SLFN12: variants seen among roughly 807,000 people sequenced by gnomAD.
SLFN12 encodes schlafen family member 12, also known as ribonuclease SLFN12.
Under a neutral mutation model 29.1 loss-of-function variants are expected in SLFN12, and 25 were observed. That is an observed-to-expected ratio of 0.86 (90% CI 0.63 to 1.20). The LOEUF is 1.20. SLFN12 is among the 50% of genes most tolerant of loss of function. SLFN12 has a pLI of 0.00. For synonymous variants in SLFN12, 257 were observed against 238.7 expected, an observed-to-expected ratio of 1.08 and a Z score of -0.71; for missense variants, 660 against 666.2, an observed-to-expected ratio of 0.99 and a Z score of 0.10.
chr17:35,413,789 A>G (rs1477494231), intron 3 of SLFN12, among the ~76,000 whole-genome samples: 1 of 151,888 alleles, frequency 6.6e-6, no homozygotes, highest in African/African-American at 2.4e-5. Flanking sequence ...ATTCATCATA[A>G]TAAGTGGGAT....
In SLFN12 at chr17:35,422,726, G is replaced by A; in HGVS notation, c.303C>T (p.Asn101=). Residue 101 remains asparagine, a synonymous_variant, in exon 2 of 4, where the codon AAC becomes AAT. Coordinates refer to ENST00000304905, the MANE Select transcript of SLFN12 (RefSeq NM_018042.5). ...ATGACTTCACAAAAATCAGAAAGTA[G>A]TTACCATTCTGCATGAAGTCTAAGT... ...PEYLDFMQNG[N]YFLIFVKSWS... 6.2e-7 allele frequency: 1 copy of A among 1,614,044 alleles called. No homozygotes were observed. The highest frequency in any genetic ancestry group is 8.5e-7 in the Non-Finnish European group (1 of 1,179,976).
chr17:35,421,307 G>A (rs1406929502), intron 2 of SLFN12, among the ~76,000 whole-genome samples: 1 of 151,452 alleles, frequency 6.6e-6, no homozygotes, highest in African/African-American at 2.4e-5. Flanking sequence ...AGAGGCAAAT[G>A]TTCCTGAAAG....
intron 3 of SLFN12, among the ~76,000 whole-genome samples, chr17:35,416,130 T>A (rs186372232): frequency 6.2e-4 from 94 of 152,148 alleles, no homozygotes; most frequent in African/African-American, 2.1e-3. Context: ...ATCAAGTGGA[T>A]AAAGAAAATG....
chr17:35,411,400 C>A lies in SLFN12; in HGVS notation c.1675G>T (p.Gly559Cys). 1.2e-6 allele frequency: 2 copies of A among 1,600,790 alleles called. No homozygotes were observed. The highest frequency in any genetic ancestry group is 1.7e-6 in the Non-Finnish European group (2 of 1,175,324). Reference protein sequence around the residue: ...SFAENLYQIIGIDCFQKNDKK... With the variant: ...SFAENLYQIICIDCFQKNDKK... ...TCATTCTTCTGAAAGCAATCTATAC[C>A]GATTATCTGGTATAGATTTTCTGCA... The change falls in exon 4 of 4, where the codon GGT becomes TGT. Residue 559 changes from glycine (G) to cysteine (C), a missense_variant. Transcript: ENST00000304905.
chr17:35,430,887 G>C (rs1379705325), intron 1 of SLFN12, among the ~76,000 whole-genome samples: 1 of 152,066 alleles, frequency 6.6e-6, no homozygotes, highest in Non-Finnish European at 1.5e-5. Flanking sequence ...TCTCTGTTCA[G>C]CCAATTCTAT....
chr17:35,425,122 T>C (rs1228726885), intron 1 of SLFN12, among the ~76,000 whole-genome samples: 1 of 151,908 alleles, frequency 6.6e-6, no homozygotes, highest in East Asian at 1.9e-4. Context: ...ACCACATCTC[T>C]ACAGAAAAGT....
upstream of SLFN12, chr17:35,433,123 C>G (rs1912411668): frequency 6.6e-6 from 1 of 152,170 alleles, no homozygotes; most frequent in South Asian, 2.1e-4. Context: ...CTTGGCGAGG[C>G]CCAGGCTACA....
intron 2 of SLFN12, among the ~76,000 whole-genome samples, chr17:35,421,209 AAAATAAATAAATAAAT>A (rs71152711): frequency 7.5e-4 from 105 of 140,300 alleles, no homozygotes; most frequent in East Asian, 1.7e-3. Context: ...ACTCCGTCTC[AAAATAAATAAATAAAT>A]AAATAAATAA....
In SLFN12 at chr17:35,411,815, G is replaced by T; in HGVS notation, c.1260C>A (p.Gly420=). Residue 420 remains glycine (G), a synonymous_variant, in exon 4 of 4, where the codon GGC becomes GGA. Transcript: ENST00000304905. ...ICEEMDSVRK[G]SLIFSRSWSV... Reference sequence around the variant, plus strand: ...ACCAGCTCCTAGAGAAGATCAGTGAGCCCTTTCTGACAGAGTCCATTTCTT... The same window carrying T: ...ACCAGCTCCTAGAGAAGATCAGTGATCCCTTTCTGACAGAGTCCATTTCTT... 1 of 1,614,026 alleles carries T rather than the reference G, an allele frequency of 6.2e-7. No individual in the cohort carries two copies. Among genetic ancestry groups the T allele is most frequent in the Non-Finnish European group, 8.5e-7 (1 of 1,180,006 alleles).
At chr17:35,425,984 C>T (rs1029770368) in intron 1 of SLFN12, among the ~76,000 whole-genome samples, 7 of 150,490 alleles carry the variant, frequency 4.7e-5, no homozygotes, top group Non-Finnish European at 1.0e-4. Flanking sequence ...TTTATAATAG[C>T]CATTTTAACA....
rs908392095 is a variant in SLFN12, at chr17:35,426,408, C to T, written c.-40-3340G>A. On this transcript the variant is annotated intron_variant, in intron 1 of 3. Coordinates refer to ENST00000304905, the MANE Select transcript of SLFN12 (RefSeq NM_018042.5). ...TTGGATCTTTTTCATATATTTTCTT[C>T]TAGTAGTTTTATAATTTCAGCTATT... 3.3e-5 allele frequency among the ~76,000 whole-genome samples: 5 copies of T among 152,160 alleles called. No homozygotes were observed. The East Asian group carries it at 9.6e-4, about 29-fold the overall frequency.
Position 35,423,602 on chromosome 17 carries a change from G to A in SLFN12, c.-40-534C>T, listed in dbSNP as rs562324275. Among the ~76,000 whole-genome samples, 10 of 151,796 alleles carry A rather than the reference G, an allele frequency of 6.6e-5. No homozygotes were observed. In the South Asian group the frequency reaches 2.1e-3, roughly 32 times the overall value. On this transcript the variant is annotated intron_variant, in intron 1 of 3. Transcript: ENST00000304905. ...GAATGAAATAGATTTATAAATTTTG[G>A]CCATTGATCTTAAGCAAAGTGGGCT...
At chr17:35,418,168 A>G (rs1911425520) in intron 3 of SLFN12, among the ~76,000 whole-genome samples, 1 of 152,014 alleles carries the variant, frequency 6.6e-6, no homozygotes, top group African/African-American at 2.4e-5. Context: ...AAGAAAAACT[A>G]AAGGGCTTAC....
intron 1 of SLFN12, among the ~76,000 whole-genome samples, chr17:35,426,198 C>T (rs62078106): frequency 0.021 from 3,248 of 151,722 alleles, 53 homozygotes; most frequent in South Asian, 0.045. Context: ...ATATTAACCT[C>T]TTATCAGATG....
Position 35,411,728 on chromosome 17 carries a change from C to G in SLFN12, c.1347G>C (p.Gln449His). ...AGGTGTATAGGACTGGAGGACTGTCCTGGGAAATCAGAAGAGCATCACAGA... is the reference window on the plus strand; with the variant it reads ...AGGTGTATAGGACTGGAGGACTGTCGTGGGAAATCAGAAGAGCATCACAGA... ...KVLCDALLIS[Q>H]DSPPVLYTFH... is the part of the protein sequence containing the mutation. Residue 449 changes from glutamine to histidine, a missense_variant, in exon 4 of 4, where the codon CAG becomes CAC. By Grantham distance (24) the Gln-to-His change is conservative. Transcript: ENST00000304905. 2 of 1,613,950 alleles carry G rather than the reference C, an allele frequency of 1.2e-6. No homozygotes were observed. The highest frequency in any genetic ancestry group is 1.7e-6 in the Non-Finnish European group (2 of 1,179,970).
chr17:35,422,473 CA>C lies in SLFN12; in HGVS notation c.555del (p.Phe185LeufsTer12), dbSNP rs747319777. 24 of 1,610,148 alleles carry C rather than the reference CA, an allele frequency of 1.5e-5. No homozygotes were observed. The highest frequency in any genetic ancestry group is 1.2e-4 in the South Asian group (11 of 90,222). On this transcript the variant is annotated frameshift_variant, in exon 2 of 4. Coordinates refer to ENST00000304905, the MANE Select transcript of SLFN12 (RefSeq NM_018042.5). LOFTEE classifies it high-confidence loss of function. Reference protein sequence around the residue: ...NNMKALAGVFFDRTELDRKEK... With the variant: ...NNMKALAGVFXDRTELDRKEK... The stretch of plus-strand genomic sequence containing the variant: ...TCTTTCCGATCAAGTTCTGTTCTAT[CA>C]AAAAAAACCCCGGCCAAGGCCTTCA...
Position 35,418,672 on chromosome 17 carries a change from G to A in SLFN12, c.1147+1602C>T, listed in dbSNP as rs527386353. Among the ~76,000 whole-genome samples, 54 of 147,526 alleles carry A rather than the reference G, an allele frequency of 3.7e-4. 2 individuals carry two copies. In the Middle Eastern group the frequency reaches 0.014, roughly 37 times the overall value. On this transcript the variant is annotated intron_variant, in intron 3 of 3. Coordinates refer to ENST00000304905, the MANE Select transcript of SLFN12 (RefSeq NM_018042.5). ...TTTGGAAAGTCAAAAGTTATACACC[G>A]ATTTTCGACTGCACCTTTTGTTCAA...
At chr17:35,412,084 C>G (rs1018566887) in intron 3 of SLFN12, among the ~76,000 whole-genome samples, 157 bp from the exon 4 acceptor site, 3 of 151,994 alleles carry the variant, frequency 2.0e-5, no homozygotes, top group African/African-American at 7.2e-5. Context: ...CTAGAAAGCA[C>G]CAATAAAAGC....
At chr17:35,417,826 A>T (rs1424678373) in intron 3 of SLFN12, among the ~76,000 whole-genome samples, 1 of 152,098 alleles carries the variant, frequency 6.6e-6, no homozygotes, top group Non-Finnish European at 1.5e-5. Flanking sequence ...TCTACACATT[A>T]GCAATAAACA....
Sources: allele counts gnomAD v4.1 joint callset (sites outside exome capture counted in the v4.1 genomes callset), GRCh38; gene constraint gnomAD v4.1.1; transcripts MANE v1.5; gene names NCBI Gene and HGNC (gene_info 2026-07-23, HGNC 2026-07-21).